CLEC16A: variants seen among roughly 807,000 people sequenced by gnomAD.
CLEC16A encodes C-type lectin domain containing 16A.
A neutral mutation model predicts 109.5 loss-of-function variants in CLEC16A; 51 were observed. The observed-to-expected ratio is 0.47, with a 90% CI of 0.37 to 0.59. The LOEUF (loss-of-function observed/expected upper bound fraction) is 0.59. CLEC16A is among the 20% of genes least tolerant of loss of function. The probability of loss-of-function intolerance (pLI) is 0.00; values close to 1 mark genes in which losing one functional copy is unlikely to be tolerated. For missense variants in CLEC16A, 1,339 were observed against 1,394.0 expected (o/e 0.96, Z 0.63); for synonymous variants, 673 against 564.2 (o/e 1.19, Z -2.73).
intron 11 of CLEC16A, among the ~76,000 whole-genome samples, chr16:11,017,007 G>A (rs928358590): frequency 3.3e-5 from 4 of 122,912 alleles, no homozygotes; most frequent in Non-Finnish European, 5.1e-5. Context: ...GGGCGGGGGG[G>A]GGGGTGCTCC....
At chr16:11,078,303 A>G (rs1424092011) in intron 19 of CLEC16A, among the ~76,000 whole-genome samples, 5 of 152,154 alleles carry the variant, frequency 3.3e-5, no homozygotes, top group African/African-American at 7.2e-5. Flanking sequence ...CCTGACATCT[A>G]TATTTTCAAA....
intron 19 of CLEC16A, among the ~76,000 whole-genome samples, chr16:11,063,494 C>T (rs764518904): frequency 1.4e-4 from 21 of 152,004 alleles, no homozygotes; most frequent in South Asian, 8.3e-4. Flanking sequence ...AAGCTGACTC[C>T]GGGAGAAATG....
intron 20 of CLEC16A, among the ~76,000 whole-genome samples, chr16:11,121,498 A>ACCC (rs2052406115): frequency 6.6e-6 from 1 of 151,922 alleles, no homozygotes; most frequent in Non-Finnish European, 1.5e-5. Context: ...GCTCAACGTC[A>ACCC]CCCCAGCAGA....
At chr16:11,030,155 T>G (rs1331362762) in intron 13 of CLEC16A, among the ~76,000 whole-genome samples, 1 of 152,258 alleles carries the variant, frequency 6.6e-6, no homozygotes, top group Non-Finnish European at 1.5e-5. Flanking sequence ...TTTCCAGTTT[T>G]GGACTATTAC....
chr16:11,100,921 C>T (rs2050877883), intron 19 of CLEC16A, among the ~76,000 whole-genome samples: 1 of 152,126 alleles, frequency 6.6e-6, no homozygotes, highest in Non-Finnish European at 1.5e-5. Context: ...TCACAGATTT[C>T]TTTCAGTTAC....
chr16:11,097,888 A>C (rs1027298683), intron 19 of CLEC16A, among the ~76,000 whole-genome samples: 3 of 152,256 alleles, frequency 2.0e-5, no homozygotes, highest in African/African-American at 7.2e-5. Flanking sequence ...GTGTTGGCTC[A>C]GGGTATGACC....
chr16:10,987,940 A>G (rs925021456), intron 10 of CLEC16A, among the ~76,000 whole-genome samples: 1 of 152,242 alleles, frequency 6.6e-6, no homozygotes, highest in Non-Finnish European at 1.5e-5. Context: ...AGGGGAGATC[A>G]CAGTTATTTG....
intron 19 of CLEC16A, among the ~76,000 whole-genome samples, chr16:11,088,074 G>A (rs980791349): frequency 2.0e-5 from 3 of 152,334 alleles, no homozygotes; most frequent in African/African-American, 7.2e-5. Context: ...TCTCTCAGCT[G>A]GGGGCTCTCT....
intron 14 of CLEC16A, 34 bp from the exon 15 acceptor site, chr16:11,042,220 G>A (rs191059220): frequency 5.9e-6 from 9 of 1,513,186 alleles, no homozygotes; most frequent in Middle Eastern, 1.7e-4. Flanking sequence ...GCCCCACCCT[G>A]GGTGTGCAAG....
At chr16:11,158,278 G>A (rs2054604613) in intron 22 of CLEC16A, among the ~76,000 whole-genome samples, 1 of 152,098 alleles carries the variant, frequency 6.6e-6, no homozygotes, top group South Asian at 2.1e-4. Context: ...GAATGAATTT[G>A]CTAATGAAAG....
At chr16:11,118,479 T>A (rs1567343836) in intron 19 of CLEC16A, among the ~76,000 whole-genome samples, 2 of 152,214 alleles carry the variant, frequency 1.3e-5, no homozygotes, top group Non-Finnish European at 2.9e-5. Flanking sequence ...TGGCTTTAAA[T>A]TGTCATACCC....
intron 15 of CLEC16A, among the ~76,000 whole-genome samples, chr16:11,042,701 A>G (rs1344712991): frequency 6.6e-6 from 1 of 152,118 alleles, no homozygotes; most frequent in Non-Finnish European, 1.5e-5. Flanking sequence ...ACATACACAC[A>G]TTGATTATGG....
At chr16:10,953,013 T>A (rs1430139134) in intron 1 of CLEC16A, among the ~76,000 whole-genome samples, 2 of 152,178 alleles carry the variant, frequency 1.3e-5, no homozygotes, top group African/African-American at 4.8e-5. Flanking sequence ...AGCACGTATT[T>A]TTGTGGAAAT....
rs775354012 is a variant in CLEC16A, at chr16:11,003,352, C to T, written c.1303+47C>T. The T allele has an allele frequency of 6.5e-6, 10 of 1,529,432 alleles. No homozygotes were observed. The South Asian group carries it at 6.9e-5, about 11-fold the overall frequency. The allele number at this position is 1,529,432 out of a possible 1,614,324, so 94.7% of individuals were successfully genotyped here. On this transcript the variant is annotated intron_variant, in intron 11 of 23. Transcript: ENST00000409790. Reference sequence around the variant, plus strand: ...GCCCTGTGCCTGCGCCGCCAGCCAGCCCGCCAGCGAGGCTGCCACCTGTGC... The same window carrying T: ...GCCCTGTGCCTGCGCCGCCAGCCAGTCCGCCAGCGAGGCTGCCACCTGTGC...
At chr16:11,146,466 G>A (rs963695476) in intron 22 of CLEC16A, among the ~76,000 whole-genome samples, 1 of 149,288 alleles carries the variant, frequency 6.7e-6, no homozygotes, top group Admixed American at 6.6e-5. Context: ...TATAGAGGAT[G>A]GATAAATGGG....
chr16:11,020,238 C>T lies in CLEC16A; in HGVS notation c.1349C>T (p.Ala450Val), dbSNP rs1037578677. 6.2e-7 allele frequency: 1 copy of T among 1,613,642 alleles called. No homozygotes were observed. Among genetic ancestry groups the T allele is most frequent in the Non-Finnish European group, 8.5e-7 (1 of 1,179,698 alleles). The change falls in exon 12 of 24, where the codon GCC becomes GTC. Residue 450 changes from alanine (A) to valine (V), a missense_variant. Transcript: ENST00000409790. ...IMERSKLSEL[A>V]ASTSVQEQNT... is the part of the protein sequence containing the mutation. ...GAGCGTAGCAAGCTCTCAGAGCTGG[C>T]CGCCAGCACCTCCGTGCAGGAGCAG...
At chr16:11,126,351 G>C in intron 22 of CLEC16A, 1 of 1,459,774 alleles carries the variant, frequency 6.9e-7, no homozygotes, top group African/African-American at 1.4e-5. Flanking sequence ...TTTAGTGTTT[G>C]GTTTGGTTTT....
At chr16:11,166,176 G>A (rs576337113) in intron 22 of CLEC16A, among the ~76,000 whole-genome samples, 1 of 152,318 alleles carries the variant, frequency 6.6e-6, no homozygotes, top group East Asian at 1.9e-4. Context: ...GTTGTACTCT[G>A]TTCCTTGAAA....
chr16:11,049,444 C>G (rs1373677161), intron 17 of CLEC16A, among the ~76,000 whole-genome samples: 4 of 151,992 alleles, frequency 2.6e-5, no homozygotes, highest in African/African-American at 9.7e-5. Context: ...CAAATACTTC[C>G]TCCCCCTCCC....
Sources: gnomAD v4.1 joint callset for allele counts (sites outside exome capture counted in the v4.1 genomes callset) on GRCh38, gnomAD v4.1.1 for gene constraint, MANE v1.5 for transcripts, NCBI Gene and HGNC (gene_info 2026-07-23, HGNC 2026-07-21) for gene names.